The following GRM8 variants were observed in gnomAD, a reference collection of about 807,000 sequenced individuals.
GRM8 encodes the protein metabotropic glutamate receptor 8.
Under a neutral mutation model 87.2 loss-of-function variants are expected in GRM8, and 47 were observed. The observed-to-expected ratio is 0.54, with a 90% confidence interval of 0.43 to 0.69. The LOEUF is 0.69. GRM8 is among the 30% of genes least tolerant of loss of function. The pLI is 0.00. For missense variants in GRM8, 1,019 were observed against 1,139.2 expected, an observed-to-expected ratio of 0.89 and a Z score of 1.52; for synonymous variants, 396 against 404.5, an observed-to-expected ratio of 0.98 and a Z score of 0.25.
chr7:126,794,496 G>A (rs1398272957), intron 6 of GRM8, among the ~76,000 whole-genome samples: 1 of 151,984 alleles, frequency 6.6e-6, no homozygotes, highest in Non-Finnish European at 1.5e-5. Flanking sequence ...GCAAACAACA[G>A]GACACAATTC....
intron 3 of GRM8, among the ~76,000 whole-genome samples, chr7:126,977,799 C>T (rs1042415365): frequency 3.3e-5 from 5 of 152,064 alleles, no homozygotes; most frequent in South Asian, 2.1e-4. Context: ...GAAAATAGAG[C>T]GGACATCATA....
At chr7:126,710,947 T>C (rs1811035655) in intron 7 of GRM8, among the ~76,000 whole-genome samples, 2 of 152,192 alleles carry the variant, frequency 1.3e-5, no homozygotes, top group African/African-American at 4.8e-5. Context: ...CCAAGGCAGG[T>C]GGATCACTTG....
chr7:126,723,417 T>C (rs1189167051), intron 7 of GRM8, among the ~76,000 whole-genome samples: 2 of 151,958 alleles, frequency 1.3e-5, no homozygotes, highest in Non-Finnish European at 1.5e-5. Context: ...GTGGAGGAAA[T>C]AGAGGCCCGC....
At chr7:126,888,369 A>G (rs1294357823) in intron 6 of GRM8, among the ~76,000 whole-genome samples, 3 of 152,098 alleles carry the variant, frequency 2.0e-5, no homozygotes, top group Non-Finnish European at 4.4e-5. Context: ...TGCACCACCA[A>G]TAAAGGCCTT....
chr7:126,866,046 C>A lies in GRM8; in HGVS notation c.1156+36496G>T, dbSNP rs560835990. On this transcript the variant is annotated intron_variant, in intron 6 of 10. Transcript: ENST00000339582. ...CTATAGCATCTTCCATTCCTGCCAGCAACGTAGGACATTTCCAATTTTTCC... is the reference window on the plus strand; with the variant it reads ...CTATAGCATCTTCCATTCCTGCCAGAAACGTAGGACATTTCCAATTTTTCC... Among the ~76,000 whole-genome samples the A allele has an allele frequency of 2.6e-5, 4 of 152,300 alleles. No homozygotes were observed. The South Asian group carries it at 6.2e-4, about 24-fold the overall frequency.
chr7:126,746,530 T>C (rs1312706085), intron 7 of GRM8, among the ~76,000 whole-genome samples: 2 of 151,692 alleles, frequency 1.3e-5, no homozygotes, highest in Non-Finnish European at 3.0e-5. Context: ...ATTTAATTTT[T>C]AGATAGTATT....
intron 3 of GRM8, among the ~76,000 whole-genome samples, chr7:126,910,736 A>T (rs1053334479): frequency 6.6e-6 from 1 of 152,204 alleles, no homozygotes; most frequent in Non-Finnish European, 1.5e-5. Flanking sequence ...CAAATTTGTA[A>T]ACAATGCCAT....
chr7:126,772,457 C>T (rs1818950528), intron 6 of GRM8, among the ~76,000 whole-genome samples: 1 of 152,042 alleles, frequency 6.6e-6, no homozygotes, highest in Non-Finnish European at 1.5e-5. Context: ...CTCAGCACCA[C>T]CCCAGACTTG....
intron 7 of GRM8, among the ~76,000 whole-genome samples, chr7:126,736,921 G>T (rs1376388095): frequency 6.6e-6 from 1 of 152,018 alleles, no homozygotes; most frequent in Admixed American, 6.6e-5. Context: ...AACTGAGACA[G>T]TGAAAGAGAT....
At chr7:126,911,851 C>T (rs1263660835) in intron 3 of GRM8, among the ~76,000 whole-genome samples, 2 of 152,156 alleles carry the variant, frequency 1.3e-5, no homozygotes, top group African/African-American at 4.8e-5. Flanking sequence ...ATCAGTTTGA[C>T]TGGGCCACAT....
chr7:126,533,337 T>G lies in GRM8; in HGVS notation c.2045A>C (p.Lys682Thr). 6.2e-6 allele frequency: 10 copies of G among 1,613,828 alleles called. No homozygotes were observed. Among genetic ancestry groups the G allele is most frequent in the Non-Finnish European group, 8.5e-6 (10 of 1,179,902 alleles). The change falls in exon 9 of 11, where the codon AAA (lysine) becomes ACA (threonine). Residue 682 changes from lysine (K) to threonine (T), a missense_variant. Transcript: ENST00000339582. ...RIHRIFEQGK[K>T]SVTAPKFISP... ...AATGAACTTGGGCGCTGTGACAGAT[T>G]TCTTCCCCTGCTCAAATATTCGGTG...
chr7:126,456,003 T>A (rs60461485), intron 9 of GRM8, among the ~76,000 whole-genome samples: 1 of 151,090 alleles, frequency 6.6e-6, no homozygotes, highest in Non-Finnish European at 1.5e-5. Context: ...GAAAAAAAAA[T>A]AACAAATCCA....
At chr7:127,211,119 G>C (rs921767966) in intron 2 of GRM8, among the ~76,000 whole-genome samples, 1 of 152,192 alleles carries the variant, frequency 6.6e-6, no homozygotes, top group African/African-American at 2.4e-5. Flanking sequence ...TTATTAAGGA[G>C]TATTGACTCA....
intron 9 of GRM8, among the ~76,000 whole-genome samples, chr7:126,525,422 T>C (rs766125200): frequency 6.6e-5 from 10 of 152,224 alleles, no homozygotes; most frequent in Non-Finnish European, 1.2e-4. Context: ...TCAGAGTTCT[T>C]TCTTTTAACT....
chr7:127,205,603 A>G (rs1003190126), intron 2 of GRM8, among the ~76,000 whole-genome samples: 1 of 152,008 alleles, frequency 6.6e-6, no homozygotes, highest in Non-Finnish European at 1.5e-5. Flanking sequence ...ACTGTTCGCC[A>G]CTCTCTACCG....
At chr7:127,078,668 G>T (rs1822536039) in intron 3 of GRM8, among the ~76,000 whole-genome samples, 2 of 152,194 alleles carry the variant, frequency 1.3e-5, no homozygotes, top group African/African-American at 2.4e-5. Context: ...TGAGAAGATG[G>T]TCCCCATCCC....
At chr7:126,799,624 C>T (rs1473821552) in intron 6 of GRM8, among the ~76,000 whole-genome samples, 1 of 152,132 alleles carries the variant, frequency 6.6e-6, no homozygotes, top group East Asian at 1.9e-4. Context: ...TACCTCCATT[C>T]CTTCTTCCTC....
At chr7:126,477,595 GAAAGAA>G (rs1554446058) in intron 9 of GRM8, among the ~76,000 whole-genome samples, 24 of 56,764 alleles carry the variant, frequency 4.2e-4, no homozygotes, top group African/African-American at 9.2e-4. Context: ...AAGAAAGAAA[GAAAGAA>G]AGAAAGAAAG....
At chr7:127,121,407 G>A (rs796263902) in intron 2 of GRM8, among the ~76,000 whole-genome samples, 10 of 152,196 alleles carry the variant, frequency 6.6e-5, no homozygotes, top group African/African-American at 2.4e-4. Flanking sequence ...TGAGAACCCA[G>A]GAACCCTCAA....
Sources: allele counts gnomAD v4.1 joint callset (sites outside exome capture counted in the v4.1 genomes callset), GRCh38; gene constraint gnomAD v4.1.1; transcripts MANE v1.5; gene names NCBI Gene and HGNC (gene_info 2026-07-23, HGNC 2026-07-21).